DNMT3B: variants seen among roughly 807,000 people sequenced by gnomAD.
DNMT3B encodes the protein DNA (cytosine-5)-methyltransferase 3B.
Under a neutral mutation model 120.2 loss-of-function variants are expected in DNMT3B, and 37 were observed. The observed-to-expected ratio is 0.31, with a 90% confidence interval of 0.24 to 0.40. DNMT3B has a LOEUF of 0.40. DNMT3B is among the 10% of genes least tolerant of loss of function. DNMT3B has a pLI of 1.00. For synonymous variants in DNMT3B, 412 were observed against 442.8 expected (o/e 0.93, Z 0.87); for missense variants, 878 against 1,137.3 (o/e 0.77, Z 3.28).
intron 22 of DNMT3B, 117 bp downstream of exon 22, chr20:32,806,444 G>T: frequency 3.1e-6 from 3 of 961,194 alleles, no homozygotes; most frequent in Non-Finnish European, 5.0e-6. Context: ...TGTTACTGGG[G>T]CGAGGAGTAA....
chr20:32,763,084 G>A (rs1987073221), intron 1 of DNMT3B, among the ~76,000 whole-genome samples: 1 of 152,152 alleles, frequency 6.6e-6, no homozygotes, highest in African/African-American at 2.4e-5. Flanking sequence ...GCATGAACAG[G>A]GGCTTTGCTC....
intron 1 of DNMT3B, among the ~76,000 whole-genome samples, chr20:32,772,873 C>CTTTT (rs1568822680): frequency 1.0e-5 from 1 of 97,584 alleles, no homozygotes. Flanking sequence ...TGTTTGGACA[C>CTTTT]ATTTTTTTTT....
In DNMT3B at chr20:32,799,338, G is replaced by C. The variant is rs375889242; in HGVS notation, c.1759+10G>C. The C allele has an allele frequency of 1.4e-5, 23 of 1,609,910 alleles. No homozygotes were observed. Among genetic ancestry groups the C allele is most frequent in the Admixed American group, 1.0e-4 (6 of 59,550 alleles). On this transcript the variant is annotated intron_variant, in intron 16 of 22. Coordinates refer to ENST00000328111, the MANE Select transcript of DNMT3B (RefSeq NM_006892.4). ...GATGGCATCGCGACAGGTGAGTTCG[G>C]GGAACACCTGGAGACACTGCTATCG... is the stretch of plus-strand genomic sequence containing the variant.
intron 15 of DNMT3B, 98 bp from the exon 16 acceptor site, chr20:32,799,146 G>C: frequency 7.2e-7 from 1 of 1,387,654 alleles, no homozygotes; most frequent in East Asian, 2.5e-5. Flanking sequence ...CTACGGCAAG[G>C]TTTGAAGCCC....
chr20:32,765,948 G>A (rs1339328182), intron 1 of DNMT3B, among the ~76,000 whole-genome samples: 9 of 151,436 alleles, frequency 5.9e-5, no homozygotes, highest in African/African-American at 1.2e-4. Context: ...TAGTAGAGAC[G>A]GGGTTTCACC....
In DNMT3B at chr20:32,808,955, G is replaced by C. The variant is rs1013497085; in HGVS notation, c.*1052G>C. On this transcript the variant is annotated 3_prime_UTR_variant, in exon 23 of 23. Transcript: ENST00000328111. Reference sequence around the variant, plus strand: ...CTTCCCCACATCTGAGAGATGACAGGGAAAACTGCAAAGCTCGGTGCTCCC... The same window carrying C: ...CTTCCCCACATCTGAGAGATGACAGCGAAAACTGCAAAGCTCGGTGCTCCC... 1 of 220,772 alleles carries C rather than the reference G, an allele frequency of 4.5e-6. No homozygotes were observed. Among genetic ancestry groups the C allele is most frequent in the African/African-American group, 2.2e-5 (1 of 44,540 alleles). The allele number at this position is 220,772 out of a possible 1,614,324, so 13.7% of individuals were successfully genotyped here.
chr20:32,773,940 T>TC (rs1236385759), intron 1 of DNMT3B, among the ~76,000 whole-genome samples: 6 of 141,748 alleles, frequency 4.2e-5, no homozygotes, highest in Admixed American at 1.4e-4. Context: ...AGTGGTTTTT[T>TC]TTTTTTTTTT....
intron 1 of DNMT3B, among the ~76,000 whole-genome samples, chr20:32,768,657 C>T (rs1164927093): frequency 1.3e-5 from 2 of 152,096 alleles, no homozygotes; most frequent in Non-Finnish European, 2.9e-5. Context: ...GTTCCTGAAG[C>T]CTAGTAGAAC....
intron 1 of DNMT3B, among the ~76,000 whole-genome samples, chr20:32,774,508 C>CTTTTT (rs386393640): frequency 8.1e-5 from 8 of 98,528 alleles, no homozygotes; most frequent in East Asian, 3.8e-4. Context: ...CGCGCCTGGC[C>CTTTTT]TTTTTTTTTT....
Position 32,807,950 on chromosome 20 carries a change from C to G in DNMT3B, c.*47C>G, listed in dbSNP as rs1484586861. 3 of 1,613,680 alleles carry G rather than the reference C, an allele frequency of 1.9e-6. No individual in the cohort carries two copies. The highest frequency in any genetic ancestry group is 2.5e-6 in the Non-Finnish European group (3 of 1,179,764). ...ACTGGGGTGTGTGGCAGAGCCAGGACCCAGGAGGTGTGATTCCTGAAGGCA... is the reference window on the plus strand; with the variant it reads ...ACTGGGGTGTGTGGCAGAGCCAGGAGCCAGGAGGTGTGATTCCTGAAGGCA... On this transcript the variant is annotated 3_prime_UTR_variant, in exon 23 of 23. Coordinates refer to ENST00000328111, the MANE Select transcript of DNMT3B (RefSeq NM_006892.4).
chr20:32,796,621 C>G (rs1474531117), intron 12 of DNMT3B, among the ~76,000 whole-genome samples, 169 bp from the exon 13 acceptor site: 1 of 152,166 alleles, frequency 6.6e-6, no homozygotes, highest in Non-Finnish European at 1.5e-5. Context: ...GGGATGCCAC[C>G]TGGAAGCATT....
chr20:32,769,312 C>T (rs991586567), intron 1 of DNMT3B, among the ~76,000 whole-genome samples: 1 of 152,126 alleles, frequency 6.6e-6, no homozygotes, highest in South Asian at 2.1e-4. Flanking sequence ...TGGTCTTGAT[C>T]TCCTGACCTC....
chr20:32,808,861 C>A lies in DNMT3B; in HGVS notation c.*958C>A, dbSNP rs997795381. ...CCCCAGATGAGAAGTCTGCTACCCTCATTTCTCATCTTTTTACTAAACTCA... is the reference window on the plus strand; with the variant it reads ...CCCCAGATGAGAAGTCTGCTACCCTAATTTCTCATCTTTTTACTAAACTCA... On this transcript the variant is annotated 3_prime_UTR_variant, in exon 23 of 23. Transcript: ENST00000328111. 8.9e-6 allele frequency: 2 copies of A among 225,940 alleles called. No homozygotes were observed. Among genetic ancestry groups the A allele is most frequent in the Non-Finnish European group, 1.8e-5 (2 of 113,574 alleles). 14.0% of individuals were successfully genotyped at this position (225,940 alleles called of 1,614,324 possible).
Position 32,786,625 on chromosome 20 carries a change from A to C in DNMT3B, c.430A>C (p.Arg144=). 6.2e-7 allele frequency: 1 copy of C among 1,613,798 alleles called. No individual in the cohort carries two copies. Among genetic ancestry groups the C allele is most frequent in the Non-Finnish European group, 8.5e-7 (1 of 1,180,032 alleles). ...GTCCCCCGTGGAGTTCCCGGCTACC[A>C]GGGTTGGTTCCCCAGATGCCCAGAC... ...DESPVEFPAT[R]SLRRRATASA... Residue 144 remains arginine (R), a splice_region_variant and synonymous_variant, in exon 5 of 23, where the codon AGG becomes CGG. Transcript: ENST00000328111.
intron 1 of DNMT3B, among the ~76,000 whole-genome samples, chr20:32,765,907 C>T (rs1307100040): frequency 1.3e-5 from 2 of 151,850 alleles, no homozygotes; most frequent in Non-Finnish European, 2.9e-5. Flanking sequence ...AGGCGCCGGC[C>T]ACCATGCCTG....
intron 12 of DNMT3B, among the ~76,000 whole-genome samples, chr20:32,795,942 G>A (rs778996820): frequency 7.9e-5 from 12 of 152,208 alleles, no homozygotes; most frequent in Non-Finnish European, 1.2e-4. Flanking sequence ...CATTTTGGCC[G>A]GGAGAGCCAT....
intron 7 of DNMT3B, among the ~76,000 whole-genome samples, chr20:32,789,930 GGTCTCTTAGAA>G (rs1318724709): frequency 6.6e-6 from 1 of 152,190 alleles, no homozygotes; most frequent in African/African-American, 2.4e-5. Flanking sequence ...ATCCTGTGAT[GGTCTCTTAGAA>G]GTAAATGTTA....
Position 32,784,647 on chromosome 20 carries a change from G to A in DNMT3B, c.205-111G>A, listed in dbSNP as rs535169184. The A allele has an allele frequency of 6.8e-6, 8 of 1,170,458 alleles. No homozygotes were observed. The African/African-American group carries it at 9.1e-5, about 13-fold the overall frequency. The allele number at this position is 1,170,458 out of a possible 1,614,324, so 72.5% of individuals were successfully genotyped here. A position where few individuals can be genotyped will look rare whatever the true frequency, so the allele number is the denominator to read the frequency against. ...TGCAGTGTGTTGTGATGAGTGACCC[G>A]GTCTCCCTGCCAGGCACAGGCGATC... On this transcript the variant is annotated intron_variant, in intron 3 of 22. Coordinates refer to ENST00000328111, the MANE Select transcript of DNMT3B (RefSeq NM_006892.4).
At chr20:32,765,422 C>CTTTTTTTTTTT (rs201623266) in intron 1 of DNMT3B, among the ~76,000 whole-genome samples, 4 of 121,316 alleles carry the variant, frequency 3.3e-5, no homozygotes, top group South Asian at 2.7e-4. Context: ...CTCTTTTTTT[C>CTTTTTTTTTTT]TTTCTTTTTT....
Sources: allele counts gnomAD v4.1 joint callset (sites outside exome capture counted in the v4.1 genomes callset), GRCh38; gene constraint gnomAD v4.1.1; transcripts MANE v1.5; gene names NCBI Gene and HGNC (gene_info 2026-07-23, HGNC 2026-07-21).